ARFGEF3: variants seen among roughly 807,000 people sequenced by gnomAD.
ARFGEF3 encodes the protein brefeldin A-inhibited guanine nucleotide-exchange protein 3.
A neutral mutation model predicts 221.7 loss-of-function variants in ARFGEF3; 96 were observed. The observed-to-expected ratio is 0.43, with a 90% confidence interval of 0.37 to 0.51. The LOEUF is 0.51. ARFGEF3 is among the 20% of genes least tolerant of loss of function. The probability of loss-of-function intolerance (pLI) is 0.00; values close to 1 mark genes in which losing one functional copy is unlikely to be tolerated. For synonymous variants in ARFGEF3, 1,145 were observed against 1,126.8 expected (o/e 1.02, Z -0.32); for missense variants, 2,410 against 2,789.9 (o/e 0.86, Z 3.07).
intron 32 of ARFGEF3, among the ~76,000 whole-genome samples, chr6:138,330,314 G>T (rs533524801): frequency 6.6e-6 from 1 of 152,108 alleles, no homozygotes; most frequent in Non-Finnish European, 1.5e-5. Flanking sequence ...TCTTTCTGCC[G>T]TGTGAGGATT....
At chr6:138,276,497 C>A (rs1372197109) in intron 12 of ARFGEF3, among the ~76,000 whole-genome samples, 1 of 150,982 alleles carries the variant, frequency 6.6e-6, no homozygotes, top group Non-Finnish European at 1.5e-5. Context: ...TATAAAATGT[C>A]TTTTAAAAGA....
At chr6:138,210,080 A>C (rs752358350) in intron 4 of ARFGEF3, 39 bp downstream of exon 4, 22 of 1,604,684 alleles carry the variant, frequency 1.4e-5, no homozygotes, top group Non-Finnish European at 8.5e-7. Context: ...TCACTGGGAC[A>C]GGAACACATC....
intron 22 of ARFGEF3, 43 bp downstream of exon 22, chr6:138,298,828 G>A (rs1407719584): frequency 6.7e-7 from 1 of 1,484,346 alleles, no homozygotes; most frequent in East Asian, 2.3e-5. Context: ...GGCTCTTACT[G>A]AGTGCAGTGG....
chr6:138,278,841 C>G (rs950640703), intron 13 of ARFGEF3, among the ~76,000 whole-genome samples: 1 of 152,124 alleles, frequency 6.6e-6, no homozygotes, highest in African/African-American at 2.4e-5. Context: ...GCCCACTGGG[C>G]TCCAGTGAAG....
In ARFGEF3 at chr6:138,162,456, T is replaced by C. The variant is rs1283969527; in HGVS notation, c.85+285T>C. On this transcript the variant is annotated intron_variant, in intron 1 of 33. Coordinates refer to ENST00000251691, the MANE Select transcript of ARFGEF3 (RefSeq NM_020340.5). The surrounding 1 kb of genome is among the most constrained non-coding windows in gnomAD (Gnocchi z 4.7). The stretch of plus-strand genomic sequence containing the variant: ...CTGGTCCCGGCGCTGGGGACGATGC[T>C]TCCCCATCGCCGAGTTAGGCAGGAC... 6.6e-6 allele frequency among the ~76,000 whole-genome samples: 1 copy of C among 152,154 alleles called. No individual in the cohort carries two copies. Among genetic ancestry groups the C allele is most frequent in the Non-Finnish European group, 1.5e-5 (1 of 68,024 alleles).
chr6:138,241,082 A>C (rs1778387593), intron 6 of ARFGEF3, among the ~76,000 whole-genome samples: 1 of 152,230 alleles, frequency 6.6e-6, no homozygotes, highest in Non-Finnish European at 1.5e-5. Context: ...CCACCTCAGA[A>C]GGGTAAAAGG....
intron 4 of ARFGEF3, among the ~76,000 whole-genome samples, chr6:138,221,226 G>A (rs1422506776): frequency 6.6e-6 from 1 of 152,126 alleles, no homozygotes; most frequent in East Asian, 1.9e-4. Flanking sequence ...GTGTTTTGGG[G>A]GTTTGGTTTG....
intron 31 of ARFGEF3, among the ~76,000 whole-genome samples, chr6:138,326,093 G>A (rs1247787674): frequency 6.6e-6 from 1 of 152,110 alleles, no homozygotes; most frequent in East Asian, 1.9e-4. Flanking sequence ...CAGACCTCAA[G>A]TCATCCACCC....
chr6:138,171,899 CACTT>C (rs1466829156), intron 2 of ARFGEF3, among the ~76,000 whole-genome samples: 5 of 152,056 alleles, frequency 3.3e-5, no homozygotes, highest in African/African-American at 7.2e-5. Flanking sequence ...TGTTTAATAA[CACTT>C]GGGCTGTTTC....
intron 12 of ARFGEF3, among the ~76,000 whole-genome samples, chr6:138,266,848 C>CAAA (rs55638606): frequency 5.2e-5 from 4 of 77,410 alleles, no homozygotes; most frequent in African/African-American, 1.6e-4. Flanking sequence ...GACTCCATCT[C>CAAA]AAAAAAAAAA....
At chr6:138,328,952 A>T (rs979661698) in intron 32 of ARFGEF3, among the ~76,000 whole-genome samples, 5 of 152,280 alleles carry the variant, frequency 3.3e-5, no homozygotes, top group African/African-American at 9.6e-5. Flanking sequence ...GGCCACGATT[A>T]TGCCACTGCA....
At chr6:138,176,342 C>T (rs1045147329) in intron 2 of ARFGEF3, among the ~76,000 whole-genome samples, 2 of 152,070 alleles carry the variant, frequency 1.3e-5, no homozygotes, top group African/African-American at 4.8e-5. Flanking sequence ...GCCACCACAC[C>T]CGGCCAATTT....
rs187635907 is a variant in ARFGEF3, at chr6:138,257,394, G to A, written c.1104+1625G>A. On this transcript the variant is annotated intron_variant, in intron 10 of 33. Transcript: ENST00000251691. ...CTCCTTATCCTAAATTCACCAGTCC[G>A]ATCAGGGGCTCTTCCTGTACCTGGA... is the stretch of plus-strand genomic sequence containing the variant. Among the ~76,000 whole-genome samples the A allele has an allele frequency of 2.2e-3, 331 of 152,290 alleles. 1 individual carries two copies. The highest frequency in any genetic ancestry group is 6.8e-3 in the African/African-American group (284 of 41,538).
intron 3 of ARFGEF3, among the ~76,000 whole-genome samples, chr6:138,207,481 G>C (rs927383690): frequency 1.1e-4 from 17 of 152,056 alleles, no homozygotes; most frequent in African/African-American, 3.1e-4. Context: ...AACATCTATG[G>C]TTCTATATAA....
intron 32 of ARFGEF3, among the ~76,000 whole-genome samples, chr6:138,331,782 T>TTTTG (rs201178412): frequency 0.015 from 2,279 of 152,306 alleles, 62 homozygotes; most frequent in African/African-American, 0.052. Context: ...TATTTGTTGA[T>TTTTG]TTTGTTTGAG....
intron 4 of ARFGEF3, among the ~76,000 whole-genome samples, chr6:138,211,511 G>A (rs1374750083): frequency 1.3e-5 from 2 of 152,142 alleles, no homozygotes; most frequent in Non-Finnish European, 2.9e-5. Context: ...CTGAAAAAGA[G>A]GCAAGACCAA....
rs185813258 is a variant in ARFGEF3 at position 138,243,109 on chromosome 6, C to T, written c.586+115C>T. The T allele has an allele frequency of 4.2e-4, 353 of 835,776 alleles. 11 individuals are homozygous for T. In the Admixed American group the frequency reaches 7.2e-3, roughly 17 times the overall value. 51.8% of individuals were successfully genotyped at this position (835,776 alleles called of 1,614,324 possible). Reference sequence around the variant, plus strand: ...AGGAGCTCTCGGTTGTTTTACCATTCTCTTGGAGGTTGTGCTTGGCTTTGC... The same window carrying T: ...AGGAGCTCTCGGTTGTTTTACCATTTTCTTGGAGGTTGTGCTTGGCTTTGC... On this transcript the variant is annotated intron_variant, in intron 7 of 33. Transcript: ENST00000251691.
Position 138,337,413 on chromosome 6 carries a change from T to C in ARFGEF3, c.*927T>C, listed in dbSNP as rs1780348215. ...TCTGAACATAAGGTATAGCATTTGG[T>C]TTTTAAGAAAACAAAACATTAAGAC... On this transcript the variant is annotated 3_prime_UTR_variant, in exon 34 of 34. Transcript: ENST00000251691. The C allele has an allele frequency of 6.6e-6, 1 of 152,638 alleles. No homozygotes were observed. The highest frequency in any genetic ancestry group is 6.5e-5 in the Admixed American group (1 of 15,282). The allele number at this position is 152,638 out of a possible 1,614,324, so 9.5% of individuals were successfully genotyped here. A position where few individuals can be genotyped will look rare whatever the true frequency, so the allele number is the denominator to read the frequency against.
intron 4 of ARFGEF3, among the ~76,000 whole-genome samples, chr6:138,212,051 T>G (rs1310863228): frequency 6.6e-6 from 1 of 152,244 alleles, no homozygotes; most frequent in African/African-American, 2.4e-5. Flanking sequence ...ATAAGGGCCT[T>G]TGTTACATGC....
Sources: allele counts gnomAD v4.1 joint callset (sites outside exome capture counted in the v4.1 genomes callset), GRCh38; gene constraint gnomAD v4.1.1; non-coding constraint Gnocchi (gnomAD v3.1); transcripts MANE v1.5; gene names NCBI Gene and HGNC (gene_info 2026-07-23, HGNC 2026-07-21).